Variants in ITGA7 observed in about 807,000 individuals in gnomAD.
ITGA7 encodes the protein integrin subunit alpha 7.
A neutral mutation model predicts 131.6 loss-of-function variants in ITGA7; 84 were observed. That is an observed-to-expected ratio of 0.64 (90% confidence interval 0.54 to 0.77). ITGA7 has a LOEUF of 0.77. Ranked by LOEUF, ITGA7 falls within the 30% of genes least tolerant of loss-of-function variation. ITGA7 has a pLI of 0.00. For synonymous variants in ITGA7, 548 were observed against 600.7 expected, an observed-to-expected ratio of 0.91 and a Z score of 1.28; for missense variants, 1,399 against 1,482.9, an observed-to-expected ratio of 0.94 and a Z score of 0.93.
intron 19 of ITGA7, 21 bp downstream of exon 19, chr12:55,694,000 G>A (rs1439704323): frequency 1.3e-6 from 2 of 1,584,902 alleles, no homozygotes; most frequent in Non-Finnish European, 1.7e-6. Flanking sequence ...ACCATGGAGG[G>A]GCCTCATCCC....
intron 14 of ITGA7, 77 bp downstream of exon 14, chr12:55,695,445 G>C: frequency 5.9e-6 from 6 of 1,013,578 alleles, no homozygotes; most frequent in Non-Finnish European, 9.3e-6. Flanking sequence ...CCCTCTGACT[G>C]GTCCTCCTGA....
At position 55,690,141 on chromosome 12, in the gene ITGA7, A is replaced by C. The variant is rs577768759; in HGVS notation, c.2845-1184T>G. On this transcript the variant is annotated intron_variant, in intron 21 of 24. Transcript: ENST00000257879. ...CAAATGGGATCTAATTAAACTAAAG[A>C]GCTTCTGCACAGCAAAAGAAACTAT... is the stretch of plus-strand genomic sequence containing the variant. Among the ~76,000 whole-genome samples, 177 of 152,324 alleles carry C rather than the reference A, an allele frequency of 1.2e-3. 1 individual carries two copies. The highest frequency in any genetic ancestry group is 3.9e-3 in the African/African-American group (164 of 41,568).
chr12:55,708,122 C>T (rs1875635230), upstream of ITGA7: 1 of 808,892 alleles, frequency 1.2e-6, no homozygotes, highest in Non-Finnish European at 1.5e-6. Context: ...CTCCCCTTCT[C>T]CCCCAACCCC....
intron 4 of ITGA7, chr12:55,700,196 GGA>G (rs753067699): frequency 2.0e-5 from 31 of 1,535,066 alleles, no homozygotes; most frequent in Non-Finnish European, 2.7e-5. Context: ...ATGGGAGCAT[GGA>G]GAGAGAGGAC....
chr12:55,707,506 G>C lies in ITGA7; in HGVS notation c.177C>G (p.His59Gln). The C allele has an allele frequency of 6.2e-7, 1 of 1,613,822 alleles. No homozygotes were observed. The highest frequency in any genetic ancestry group is 2.2e-5 in the East Asian group (1 of 44,874). ...GSLFGFSVAL[H>Q]RQLQPRPQSW... ...TCTGGGGTCGGGGCTGCAACTGCCG[G>C]TGCAGGGCCACAGAGAAGCCGAAGA... The change falls in exon 1 of 25, where the codon CAC (histidine) becomes CAG (glutamine). Residue 59 changes from histidine (H) to glutamine (Q), a missense_variant. Physicochemically the swap from His to Gln is conservative, Grantham distance 24 (BLOSUM62 0). Transcript: ENST00000257879.
Position 55,694,557 on chromosome 12 carries a change from G to A in ITGA7, c.2278-35C>T, listed in dbSNP as rs764845958. ...GGGTGGAAAGAGATTAGAGTCAGGG[G>A]TGGTCTACGGGCTTATGGAGAGGCT... is the stretch of plus-strand genomic sequence containing the variant. On this transcript the variant is annotated intron_variant, in intron 16 of 24. Coordinates refer to ENST00000257879, the MANE Select transcript of ITGA7 (RefSeq NM_002206.3). This position sits in a 1 kb window ranked among gnomAD's most constrained non-coding sequence, Gnocchi z 5.3. The A allele has an allele frequency of 6.2e-7, 1 of 1,613,144 alleles. No homozygotes were observed. The highest frequency in any genetic ancestry group is 1.1e-5 in the South Asian group (1 of 91,066).
chr12:55,704,247 A>G (rs1874707282), intron 1 of ITGA7, among the ~76,000 whole-genome samples: 1 of 152,236 alleles, frequency 6.6e-6, no homozygotes, highest in Non-Finnish European at 1.5e-5. Flanking sequence ...CATGTTAGGC[A>G]GTATTACAGA....
chr12:55,694,496 G>A lies in ITGA7; in HGVS notation c.2304C>T (p.Thr768=), dbSNP rs1486306183. ...CCGTGGTCTCAATGCTGATCCCGGA[G>A]GTGCTAAGGATGAGGTAGAAGGTGA... is the stretch of plus-strand genomic sequence containing the variant. ...AQVTFYLILS[T]SGISIETTEL... Residue 768 remains threonine (T), a synonymous_variant, in exon 17 of 25, where the codon ACC becomes ACT. Transcript: ENST00000257879. This position sits in a 1 kb window ranked among gnomAD's most constrained non-coding sequence, Gnocchi z 5.3. 1 of 1,614,212 alleles carries A rather than the reference G, an allele frequency of 6.2e-7. No homozygotes were observed. The highest frequency in any genetic ancestry group is 2.2e-5 in the East Asian group (1 of 44,886).
At chr12:55,712,328 C>T, upstream of ITGA7, 4 of 1,196,648 alleles carry the variant, frequency 3.3e-6, no homozygotes, top group South Asian at 1.3e-5. Flanking sequence ...ACATTTGGAA[C>T]TTAGCCACAC....
At position 55,707,677 on chromosome 12, in the gene ITGA7, G is replaced by A. The variant is rs1220202298; in HGVS notation, c.6C>T (p.Ala2=). 7.0e-6 allele frequency: 11 copies of A among 1,573,306 alleles called. No individual in the cohort carries two copies. The highest frequency in any genetic ancestry group is 9.5e-6 in the Non-Finnish European group (11 of 1,159,166). The change falls in exon 1 of 25, where the codon GCC becomes GCT. Residue 2 remains alanine (A), a synonymous_variant. Transcript: ENST00000257879. M[A]GARSRDPWGA... The stretch of plus-strand genomic sequence containing the variant: ...CCCAAGGGTCGCGGCTCCGAGCCCC[G>A]GCCATGGGACGATCCCTGCGCGAGC...
In ITGA7 at chr12:55,707,781, G is replaced by A. The variant is rs1490549291; in HGVS notation, c.-99C>T. On this transcript the variant is annotated 5_prime_UTR_variant, in exon 1 of 25. The change creates a new upstream start codon in the 5' untranslated region. Transcript: ENST00000257879. ...GCGCGTCTCTGGTCTCCAAAGTCTC[G>A]TTGGTCTTTCAGACGTCTCCCAGAC... is the stretch of plus-strand genomic sequence containing the variant. 11 of 1,533,190 alleles carry A rather than the reference G, an allele frequency of 7.2e-6. No individual in the cohort carries two copies. The South Asian group carries it at 1.1e-4, about 15-fold the overall frequency. 95.0% of individuals were successfully genotyped at this position (1,533,190 alleles called of 1,614,324 possible). A position where few individuals can be genotyped will look rare whatever the true frequency, so the allele number is the denominator to read the frequency against.
At chr12:55,701,398 G>C (rs1215347529) in intron 3 of ITGA7, 1 of 1,551,664 alleles carries the variant, frequency 6.4e-7, no homozygotes, top group East Asian at 2.4e-5. Flanking sequence ...CTCAAATGGA[G>C]ATCTCCTTGT....
Position 55,697,206 on chromosome 12 carries a change from C to A in ITGA7, c.1567+10G>T. On this transcript the variant is annotated intron_variant, in intron 11 of 24. Transcript: ENST00000257879. ...AAAAGGGCGAGCCACAGAGGGGGGA[C>A]CGCACTCACCCACAGTAGGGCTATA... 2 of 1,593,246 alleles carry A rather than the reference C, an allele frequency of 1.3e-6. No individual in the cohort carries two copies. Among genetic ancestry groups the A allele is most frequent in the Non-Finnish European group, 1.7e-6 (2 of 1,169,948 alleles).
chr12:55,707,932 C>T, upstream of ITGA7: 1 of 1,376,364 alleles, frequency 7.3e-7, no homozygotes, highest in African/African-American at 1.5e-5. Context: ...CTCCCGGGGA[C>T]GCCACTCAGG....
At chr12:55,685,575 C>A (rs1869919614) in intron 24 of ITGA7, among the ~76,000 whole-genome samples, 1 of 152,140 alleles carries the variant, frequency 6.6e-6, no homozygotes, top group South Asian at 2.1e-4. Context: ...AGCATCAGGA[C>A]CGGACTCAAG....
chr12:55,693,401 T>C (rs1871924041), intron 19 of ITGA7, 84 bp from the exon 20 acceptor site: 3 of 1,246,260 alleles, frequency 2.4e-6, no homozygotes, highest in African/African-American at 1.5e-5. Context: ...ACAGGATCTA[T>C]GTTGCCCAGG....
chr12:55,716,346 T>C (rs1876524902), upstream of ITGA7: 1 of 1,474,196 alleles, frequency 6.8e-7, no homozygotes, highest in Non-Finnish European at 8.9e-7. Flanking sequence ...GAGAGGCTTT[T>C]TTTGAAACTC....
chr12:55,687,617 A>G (rs1178853344), intron 24 of ITGA7, among the ~76,000 whole-genome samples: 1 of 150,954 alleles, frequency 6.6e-6, no homozygotes, highest in African/African-American at 2.4e-5. Flanking sequence ...CAGCCTCCCA[A>G]GTAGCTGGAT....
At position 55,698,594 on chromosome 12, in the gene ITGA7, C is replaced by T; in HGVS notation, c.999-18G>A. On this transcript the variant is annotated intron_variant, in intron 6 of 24. Coordinates refer to ENST00000257879, the MANE Select transcript of ITGA7 (RefSeq NM_002206.3). ...CTGGCCAGCTATGGAGAGAGGGAAACATTCAGTGTGGGTCCTCCCTGGCCA... is the reference window on the plus strand; with the variant it reads ...CTGGCCAGCTATGGAGAGAGGGAAATATTCAGTGTGGGTCCTCCCTGGCCA... 1 of 1,614,078 alleles carries T rather than the reference C, an allele frequency of 6.2e-7. No individual in the cohort carries two copies. The highest frequency in any genetic ancestry group is 8.5e-7 in the Non-Finnish European group (1 of 1,179,966).
Sources: gnomAD v4.1 joint callset for allele counts (sites outside exome capture counted in the v4.1 genomes callset) on GRCh38, gnomAD v4.1.1 for gene constraint, Gnocchi (gnomAD v3.1) non-coding constraint, MANE v1.5 for transcripts, NCBI Gene and HGNC (gene_info 2026-07-23, HGNC 2026-07-21) for gene names.